Variants in TAF3 observed in about 807,000 individuals in gnomAD.
TAF3 encodes the protein TATA-box binding protein associated factor 3.
TAF3 carries 7 observed loss-of-function variants against 80.6 expected under a neutral mutation model. The ratio of observed to expected loss-of-function variants is 0.09; its 90% CI spans 0.05 to 0.16. The LOEUF is 0.16. Among genes scored for constraint, TAF3 ranks in the 10% least tolerant of loss-of-function variants. TAF3 has a pLI of 1.00. For synonymous variants in TAF3, 444 were observed against 446.1 expected, an observed-to-expected ratio of 1.00 and a Z score of 0.06; for missense variants, 921 against 1,140.2, an observed-to-expected ratio of 0.81 and a Z score of 2.77.
chr10:7,974,933 G>A (rs1160487604), intron 3 of TAF3: 4 of 172,604 alleles, frequency 2.3e-5, no homozygotes, highest in Non-Finnish European at 5.0e-5. Flanking sequence ...AATTAGCCAG[G>A]CATGGTGGCA....
intron 4 of TAF3, among the ~76,000 whole-genome samples, chr10:7,992,743 G>A (rs931090530): frequency 3.9e-5 from 6 of 152,076 alleles, no homozygotes; most frequent in African/African-American, 1.2e-4. Flanking sequence ...TGGATTGAAC[G>A]CATATTACCA....
chr10:7,832,252 A>G (rs1836808698), intron 2 of TAF3, among the ~76,000 whole-genome samples: 1 of 152,164 alleles, frequency 6.6e-6, no homozygotes, highest in East Asian at 1.9e-4. Flanking sequence ...GCTTCTTGGA[A>G]TTTGGTTCTT....
chr10:7,964,996 T>C lies in TAF3; in HGVS notation c.1486T>C (p.Ser496Pro), dbSNP rs779147316. 2 of 1,613,938 alleles carry C rather than the reference T, an allele frequency of 1.2e-6. No homozygotes were observed. The highest frequency in any genetic ancestry group is 2.7e-5 in the African/African-American group (2 of 74,900). The change falls in exon 3 of 7, where the codon TCA becomes CCA. Residue 496 changes from serine (S) to proline (P), a missense_variant. Coordinates refer to ENST00000344293, the MANE Select transcript of TAF3 (RefSeq NM_031923.4). The surrounding 1 kb of genome is among the most constrained non-coding windows in gnomAD (Gnocchi z 4.1). ...PPNFPYISSP[S>P]VSPPTPEPLH... Reference sequence around the variant, plus strand: ...CAACTTTCCTTATATCTCTTCTCCGTCAGTGTCTCCTCCCACTCCCGAACC... The same window carrying C: ...CAACTTTCCTTATATCTCTTCTCCGCCAGTGTCTCCTCCCACTCCCGAACC...
chr10:7,895,421 G>A (rs904687896), intron 2 of TAF3, among the ~76,000 whole-genome samples: 14 of 152,042 alleles, frequency 9.2e-5, no homozygotes, highest in Non-Finnish European at 1.9e-4. Flanking sequence ...GACATCCCAC[G>A]GCTCTGTTTT....
At chr10:7,869,621 T>G (rs756954476) in intron 2 of TAF3, among the ~76,000 whole-genome samples, 81 of 152,358 alleles carry the variant, frequency 5.3e-4, no homozygotes, top group Non-Finnish European at 9.0e-4. Flanking sequence ...TCTCATAATT[T>G]CCTTAAGAGA....
chr10:7,825,209 C>T (rs917915907), intron 2 of TAF3, among the ~76,000 whole-genome samples: 6 of 152,046 alleles, frequency 3.9e-5, no homozygotes, highest in South Asian at 2.1e-4. Flanking sequence ...CACAAGTACA[C>T]GATATTTTTT....
chr10:7,883,966 A>G (rs1837384825), intron 2 of TAF3, among the ~76,000 whole-genome samples: 9 of 152,166 alleles, frequency 5.9e-5, no homozygotes, highest in Admixed American at 5.9e-4. Flanking sequence ...GGGGCTGAGC[A>G]TGCTAACATG....
chr10:7,959,585 T>A (rs1356231627), intron 2 of TAF3, among the ~76,000 whole-genome samples: 1 of 150,922 alleles, frequency 6.6e-6, no homozygotes, highest in Admixed American at 6.6e-5. Flanking sequence ...TAATGTTAAG[T>A]TTTTTTTACT....
chr10:7,844,378 CTT>C (rs370650612), intron 2 of TAF3, among the ~76,000 whole-genome samples: 9 of 134,280 alleles, frequency 6.7e-5, no homozygotes, highest in Admixed American at 1.6e-4. Flanking sequence ...TCTTCTTGTT[CTT>C]TTTTTTTTTT....
chr10:7,896,271 C>T (rs981577614), intron 2 of TAF3, among the ~76,000 whole-genome samples: 3 of 152,092 alleles, frequency 2.0e-5, no homozygotes, highest in East Asian at 1.9e-4. Context: ...CTTGTGACTC[C>T]GTGAATGGGG....
At chr10:7,960,770 G>C (rs1357199850) in intron 2 of TAF3, among the ~76,000 whole-genome samples, 1 of 152,130 alleles carries the variant, frequency 6.6e-6, no homozygotes, top group Non-Finnish European at 1.5e-5. Context: ...AGATGGAGAG[G>C]ATTTTTGTAT....
intron 2 of TAF3, among the ~76,000 whole-genome samples, chr10:7,864,570 G>A (rs775235643): frequency 1.3e-5 from 2 of 152,130 alleles, no homozygotes; most frequent in South Asian, 2.1e-4. Context: ...TGTCCTTCAT[G>A]TACAGGTTTC....
intron 2 of TAF3, among the ~76,000 whole-genome samples, chr10:7,943,612 G>A (rs563047578): frequency 6.6e-6 from 1 of 152,284 alleles, no homozygotes; most frequent in African/African-American, 2.4e-5. Context: ...ATAAATACTT[G>A]TCATTTCCTC....
intron 2 of TAF3, among the ~76,000 whole-genome samples, chr10:7,924,542 G>A (rs1345365210): frequency 6.6e-6 from 1 of 152,074 alleles, no homozygotes; most frequent in Non-Finnish European, 1.5e-5. Flanking sequence ...ATGTGGGCAT[G>A]TCTCCCATTT....
chr10:7,965,378 G>C lies in TAF3; in HGVS notation c.1868G>C (p.Arg623Thr). The change falls in exon 3 of 7, where the codon AGA becomes ACA. Residue 623 changes from arginine (R) to threonine (T), a missense_variant. This residue lies in a region of TAF3 where 743 missense variants were observed against 821.0 expected (regional missense o/e 0.90). Transcript: ENST00000344293. ...KEKHKDKKKDREKGKKDKDKR... is the reference protein window; with the variant it reads ...KEKHKDKKKDTEKGKKDKDKR... ...AAGCATAAAGATAAGAAGAAAGATAGAGAGAAAGGCAAGAAAGATAAAGAT... is the reference window on the plus strand; with the variant it reads ...AAGCATAAAGATAAGAAGAAAGATACAGAGAAAGGCAAGAAAGATAAAGAT... 1.2e-6 allele frequency: 2 copies of C among 1,607,944 alleles called. No individual in the cohort carries two copies. Among genetic ancestry groups the C allele is most frequent in the South Asian group, 2.2e-5 (2 of 89,338 alleles).
At chr10:7,886,854 T>G (rs1837412985) in intron 2 of TAF3, among the ~76,000 whole-genome samples, 1 of 152,328 alleles carries the variant, frequency 6.6e-6, no homozygotes, top group South Asian at 2.1e-4. Flanking sequence ...TATAGACTAA[T>G]CTTGAATTGG....
At chr10:7,959,070 G>A (rs1413410004) in intron 2 of TAF3, among the ~76,000 whole-genome samples, 1 of 151,928 alleles carries the variant, frequency 6.6e-6, no homozygotes. Flanking sequence ...AACCCAGGAG[G>A]CGGAGCTTGC....
At chr10:8,004,454 A>G (rs1831973194) in intron 4 of TAF3, among the ~76,000 whole-genome samples, 1 of 152,118 alleles carries the variant, frequency 6.6e-6, no homozygotes, top group Admixed American at 6.6e-5. Context: ...AAATTTGAGA[A>G]TTGTTGCTTT....
chr10:7,856,070 G>C (rs1183690880), intron 2 of TAF3, among the ~76,000 whole-genome samples: 1 of 152,204 alleles, frequency 6.6e-6, no homozygotes, highest in Non-Finnish European at 1.5e-5. Context: ...GGAAGCCACA[G>C]AAGCAGCATT....
Sources: gnomAD v4.1 joint callset for allele counts (sites outside exome capture counted in the v4.1 genomes callset) on GRCh38, gnomAD v4.1.1 for gene constraint, gnomAD v4.1.1 regional missense constraint, Gnocchi (gnomAD v3.1) non-coding constraint, MANE v1.5 for transcripts, NCBI Gene and HGNC (gene_info 2026-07-23, HGNC 2026-07-21) for gene names.